DCAF8L2: variants seen among roughly 807,000 people sequenced by gnomAD.
DCAF8L2 encodes DDB1 and CUL4 associated factor 8 like 2.
For missense variants in DCAF8L2, 430 were observed against 490.7 expected (o/e 0.88, Z 1.17); for synonymous variants, 200 against 190.9 (o/e 1.05, Z -0.39).
chrX:27,706,753 A>C (rs1226779655), intron 3 of DCAF8L2, among the ~76,000 whole-genome samples: 1 of 111,982 alleles, frequency 8.9e-6, no homozygotes, highest in Non-Finnish European at 1.9e-5. Context: ...ATAGAGTTCC[A>C]TATGACCCAG....
intron 2 of DCAF8L2, among the ~76,000 whole-genome samples, chrX:27,656,614 C>G (rs368519625): frequency 3.1e-4 from 35 of 111,783 alleles, no homozygotes; most frequent in African/African-American, 1.1e-3. Flanking sequence ...TCTGTGGGAG[C>G]TAGGGTGGCC....
At chrX:27,587,983 AAAAT>A (rs1425353642), upstream of DCAF8L2, among the ~76,000 whole-genome samples, 85 of 25,115 alleles carry the variant, frequency 3.4e-3, no homozygotes, top group African/African-American at 0.014. Context: ...ATTAAAAAAA[AAAAT>A]ATATATATAT....
the DCAF8L2 span, among the ~76,000 whole-genome samples, chrX:27,480,650 T>C: frequency 8.9e-6 from 1 of 111,949 alleles, no homozygotes; most frequent in Non-Finnish European, 1.9e-5. Flanking sequence ...ACACTGTTAC[T>C]TCCCTAGACT....
At chrX:27,655,632 A>G (rs1444355422) in intron 2 of DCAF8L2, among the ~76,000 whole-genome samples, 1 of 111,933 alleles carries the variant, frequency 8.9e-6, no homozygotes, top group East Asian at 2.8e-4. Context: ...ATCTCTTATG[A>G]TAAGATTGTT....
At chrX:27,582,237 T>C in the DCAF8L2 span, among the ~76,000 whole-genome samples, 2 of 111,833 alleles carry the variant, frequency 1.8e-5, no homozygotes, top group African/African-American at 3.3e-5. Context: ...TCATCTAGCT[T>C]TTCCTAAAGT....
At position 27,733,570 on chromosome X, in the gene DCAF8L2, C is replaced by G. The variant is rs72623786; in HGVS notation, c.-58-13268C>G. ...TTTATGTTTGCTTTTGTTGCTTGAG[C>G]TTGTAGTATGATATGCCACAAAAAA... On this transcript the variant is annotated intron_variant, in intron 4 of 4. Coordinates refer to ENST00000451261, the MANE Select transcript of DCAF8L2 (RefSeq NM_001353450.2). Among the ~76,000 whole-genome samples, 791 of 111,515 alleles carry G rather than the reference C, an allele frequency of 7.1e-3. 21 individuals carry two copies. In the East Asian group the frequency reaches 0.11, roughly 16 times the overall value.
the DCAF8L2 span, chrX:27,519,029 T>G: frequency 4.3e-6 from 4 of 924,483 alleles, no homozygotes; most frequent in African/African-American, 7.8e-5. Flanking sequence ...GAACTATACA[T>G]GCGAAGAAGG....
At chrX:27,660,990 C>T (rs898191236) in intron 2 of DCAF8L2, among the ~76,000 whole-genome samples, 9 of 111,785 alleles carry the variant, frequency 8.1e-5, no homozygotes, top group African/African-American at 2.9e-4. Context: ...TGTGGAAATG[C>T]AGGGGCTATT....
intron 1 of DCAF8L2, among the ~76,000 whole-genome samples, chrX:27,617,232 T>G (rs980939481): frequency 2.7e-5 from 3 of 111,159 alleles, no homozygotes; most frequent in African/African-American, 9.8e-5. Flanking sequence ...GCCCTGACCT[T>G]CATTATAAAT....
the DCAF8L2 span, among the ~76,000 whole-genome samples, chrX:27,553,872 G>A: frequency 9.0e-6 from 1 of 111,664 alleles, no homozygotes; most frequent in South Asian, 3.7e-4. Context: ...TTACTATGAG[G>A]CTTAGAAAAA....
At chrX:27,609,492 A>G (rs1927061362) in intron 1 of DCAF8L2, among the ~76,000 whole-genome samples, 1 of 111,205 alleles carries the variant, frequency 9.0e-6, no homozygotes. Context: ...CAGCTAGTAT[A>G]AAACAAACCA....
intron 1 of DCAF8L2, among the ~76,000 whole-genome samples, chrX:27,617,263 G>A (rs777904259): frequency 9.0e-6 from 1 of 110,930 alleles, no homozygotes; most frequent in South Asian, 3.8e-4. Context: ...TTAGAGGTTT[G>A]GGAGGAAGAT....
chrX:27,669,224 A>G (rs1050664391), intron 2 of DCAF8L2, among the ~76,000 whole-genome samples: 1 of 111,429 alleles, frequency 9.0e-6, no homozygotes. Flanking sequence ...TGCTTAACAA[A>G]TTAATAATAT....
intron 2 of DCAF8L2, among the ~76,000 whole-genome samples, chrX:27,653,762 A>ACACACAC (rs201922239): frequency 1.0e-5 from 1 of 97,701 alleles, no homozygotes; most frequent in Admixed American, 1.2e-4. Flanking sequence ...ACACACACAC[A>ACACACAC]ACATATATTT....
chrX:27,560,700 T>TA, the DCAF8L2 span, among the ~76,000 whole-genome samples: 1 of 112,421 alleles, frequency 8.9e-6, no homozygotes, highest in Admixed American at 9.4e-5. Flanking sequence ...TATGGACACT[T>TA]AGTGTTCTAT....
chrX:27,649,102 C>T (rs1307377898), intron 2 of DCAF8L2, among the ~76,000 whole-genome samples: 1 of 112,348 alleles, frequency 8.9e-6, no homozygotes, highest in African/African-American at 3.2e-5. Flanking sequence ...CAGCCTCCAG[C>T]TGCATCCATG....
At chrX:27,493,951 T>C in the DCAF8L2 span, among the ~76,000 whole-genome samples, 2 of 111,322 alleles carry the variant, frequency 1.8e-5, no homozygotes, top group South Asian at 7.6e-4. Context: ...TCCTTTCTAA[T>C]GTAGAATCCT....
chrX:27,540,398 C>A, the DCAF8L2 span, among the ~76,000 whole-genome samples: 12 of 111,205 alleles, frequency 1.1e-4, no homozygotes, highest in Non-Finnish European at 2.1e-4. Flanking sequence ...GCAGAAGCAG[C>A]CAAACAGGTC....
chrX:27,622,845 A>G (rs1057336900), intron 1 of DCAF8L2, among the ~76,000 whole-genome samples: 6 of 111,006 alleles, frequency 5.4e-5, no homozygotes, highest in African/African-American at 2.0e-4. Flanking sequence ...TTATTTCTTA[A>G]GCTTGAGGGT....
Sources: allele counts gnomAD v4.1 joint callset (sites outside exome capture counted in the v4.1 genomes callset), GRCh38; gene constraint gnomAD v4.1.1; transcripts MANE v1.5; gene names NCBI Gene and HGNC (gene_info 2026-07-23, HGNC 2026-07-21).